Variants in LRRC2 observed in about 807,000 individuals in gnomAD.
LRRC2 encodes leucine rich repeat containing 2, also known as leucine-rich repeat-containing protein 2.
LRRC2 carries 27 observed loss-of-function variants against 40.2 expected under a neutral mutation model. That is an observed-to-expected ratio of 0.67 (90% CI 0.49 to 0.93). LRRC2 has a LOEUF of 0.93. Ranked by LOEUF, LRRC2 falls within the 40% of genes least tolerant of loss-of-function variation. The probability of loss-of-function intolerance (pLI) is 0.00; values close to 1 mark genes in which losing one functional copy is unlikely to be tolerated. For synonymous variants in LRRC2, 147 were observed against 158.9 expected (o/e 0.92, Z 0.56); for missense variants, 402 against 439.6 (o/e 0.91, Z 0.76).
chr3:46,554,655 A>AG (rs1483547930), intron 1 of LRRC2, among the ~76,000 whole-genome samples: 17 of 150,776 alleles, frequency 1.1e-4, no homozygotes, highest in South Asian at 2.1e-4. Flanking sequence ...AAAAAAAAAA[A>AG]AAGAAGAAGA....
intron 4 of LRRC2, among the ~76,000 whole-genome samples, chr3:46,534,450 T>TTCTC (rs1704234970): frequency 6.6e-6 from 1 of 151,458 alleles, no homozygotes; most frequent in Admixed American, 6.6e-5. Flanking sequence ...CTTTCTTTCT[T>TTCTC]TCTTTCTTTC....
At chr3:46,520,078 T>G (rs913353931) in intron 8 of LRRC2, among the ~76,000 whole-genome samples, 6 of 150,490 alleles carry the variant, frequency 4.0e-5, no homozygotes, top group South Asian at 4.2e-4. Context: ...AAGTTAATTT[T>G]TAAAAGCAAA....
At chr3:46,530,383 C>T (rs563995449) in intron 5 of LRRC2, among the ~76,000 whole-genome samples, 2 of 152,056 alleles carry the variant, frequency 1.3e-5, no homozygotes, top group Admixed American at 1.3e-4. Context: ...AGTTCAAGAC[C>T]AGCCTGGACA....
chr3:46,532,271 A>G lies in LRRC2; in HGVS notation c.627+502T>C, dbSNP rs1229372470. On this transcript the variant is annotated intron_variant, in intron 5 of 8. Coordinates refer to ENST00000395905, the MANE Select transcript of LRRC2 (RefSeq NM_024512.5). ...TTTTGCCTGGTTTTCCTTTGATAGC[A>G]TTTCTGAACTTAAATTCGGGTTCTG... 2.0e-5 allele frequency among the ~76,000 whole-genome samples: 3 copies of G among 152,314 alleles called. 1 individual carries two copies. Among genetic ancestry groups the G allele is most frequent in the Non-Finnish European group, 1.5e-5 (1 of 68,022 alleles).
At chr3:46,533,086 C>T (rs1704190602) in intron 4 of LRRC2, among the ~76,000 whole-genome samples, 177 bp from the exon 5 acceptor site, 1 of 152,124 alleles carries the variant, frequency 6.6e-6, no homozygotes, top group Admixed American at 6.5e-5. Flanking sequence ...AGCATCATGA[C>T]CCCGAGGTTC....
In LRRC2 at chr3:46,545,239, C is replaced by T. The variant is rs1704500984; in HGVS notation, c.140G>A (p.Trp47Ter). 1.9e-6 allele frequency: 3 copies of T among 1,613,972 alleles called. No homozygotes were observed. Among genetic ancestry groups the T allele is most frequent in the African/African-American group, 1.3e-5 (1 of 74,914 alleles). ...CCTCCTGCATTCGGCCACAAAGTTCCACTCCTCCTTTATCCTAAAACAGGC... is the reference window on the plus strand; with the variant it reads ...CCTCCTGCATTCGGCCACAAAGTTCTACTCCTCCTTTATCCTAAAACAGGC... Reference protein sequence around the residue: ...KSALEKIKEEWNFVAECRRKG... With the variant: ...KSALEKIKEE The change falls in exon 3 of 9, where the codon TGG becomes TAG. Residue 47 changes from tryptophan (W) to a stop codon, truncating the protein, a stop_gained. Transcript: ENST00000395905. LOFTEE classifies it high-confidence loss of function.
At chr3:46,529,297 C>T (rs1704116716) in intron 6 of LRRC2, among the ~76,000 whole-genome samples, 1 of 151,970 alleles carries the variant, frequency 6.6e-6, no homozygotes, top group Admixed American at 6.6e-5. Context: ...ATAATTTGGG[C>T]CAGGCACAGT....
intron 3 of LRRC2, among the ~76,000 whole-genome samples, chr3:46,543,148 T>C (rs765038401): frequency 7.9e-5 from 12 of 152,172 alleles, no homozygotes; most frequent in Admixed American, 2.6e-4. Flanking sequence ...GCCCAGAGTC[T>C]TCCTGGACTC....
intron 4 of LRRC2, among the ~76,000 whole-genome samples, chr3:46,536,625 G>A (rs1408733512): frequency 6.6e-6 from 1 of 152,156 alleles, no homozygotes; most frequent in East Asian, 1.9e-4. Flanking sequence ...AATCATGTAG[G>A]GAGTTTGTTA....
chr3:46,560,319 C>T (rs1704906809), intron 1 of LRRC2, among the ~76,000 whole-genome samples: 1 of 152,194 alleles, frequency 6.6e-6, no homozygotes, highest in African/African-American at 2.4e-5. Context: ...AGTCCCTCAG[C>T]AGCTCAGGGG....
intron 2 of LRRC2, among the ~76,000 whole-genome samples, chr3:46,550,302 A>T (rs543285424): frequency 6.6e-6 from 1 of 151,972 alleles, no homozygotes; most frequent in African/African-American, 2.4e-5. Flanking sequence ...CATGATCAGA[A>T]TAGGTATTTG....
At chr3:46,533,047 G>A in intron 4 of LRRC2, 138 bp from the exon 5 acceptor site, 1 of 874,336 alleles carries the variant, frequency 1.1e-6, no homozygotes, top group African/African-American at 1.7e-5. Flanking sequence ...TTGGGTTTTG[G>A]GGGGTGTATC....
At chr3:46,563,813 C>T (rs768590090) in intron 1 of LRRC2, among the ~76,000 whole-genome samples, 16 of 152,166 alleles carry the variant, frequency 1.1e-4, no homozygotes, top group Non-Finnish European at 1.6e-4. Flanking sequence ...CTGTAGCATA[C>T]GATGGGAACT....
intron 6 of LRRC2, 50 bp from the exon 7 acceptor site, chr3:46,527,631 A>C (rs780173125): frequency 2.7e-6 from 4 of 1,495,532 alleles, no homozygotes; most frequent in Non-Finnish European, 3.7e-6. Context: ...ATCATAGCTA[A>C]GAAAACCAAC....
At chr3:46,561,546 AAG>A (rs1178176213) in intron 1 of LRRC2, among the ~76,000 whole-genome samples, 65 of 110,660 alleles carry the variant, frequency 5.9e-4, no homozygotes, top group Admixed American at 5.3e-3. Context: ...AAAAAACAAA[AAG>A]AGAGGGGAGA....
At chr3:46,532,510 CA>C (rs1188818795) in intron 5 of LRRC2, among the ~76,000 whole-genome samples, 1 of 152,002 alleles carries the variant, frequency 6.6e-6, no homozygotes, top group Non-Finnish European at 1.5e-5. Flanking sequence ...GAGGCTGAGG[CA>C]GGAGAATTGC....
At chr3:46,553,684 C>T (rs185401752) in intron 1 of LRRC2, among the ~76,000 whole-genome samples, 3 of 152,218 alleles carry the variant, frequency 2.0e-5, no homozygotes, top group Non-Finnish European at 2.9e-5. Flanking sequence ...AGCGGGGCCT[C>T]GCTATGTTAC....
intron 1 of LRRC2, among the ~76,000 whole-genome samples, chr3:46,553,182 C>CA (rs10676856): frequency 0.31 from 46,226 of 149,422 alleles, 7,447 homozygotes; most frequent in Non-Finnish European, 0.37. Flanking sequence ...TTGATCATTG[C>CA]AAAAAAAAAA....
intron 8 of LRRC2, among the ~76,000 whole-genome samples, chr3:46,520,388 C>T (rs1286155564): frequency 6.6e-6 from 1 of 151,522 alleles, no homozygotes; most frequent in African/African-American, 2.4e-5. Context: ...ACCATAGAAC[C>T]CAAAGGTAAA....
Sources: gnomAD v4.1 joint callset for allele counts (sites outside exome capture counted in the v4.1 genomes callset) on GRCh38, gnomAD v4.1.1 for gene constraint, MANE v1.5 for transcripts, NCBI Gene and HGNC (gene_info 2026-07-23, HGNC 2026-07-21) for gene names.